Variants in IVD observed in about 807,000 individuals in gnomAD.
IVD encodes isovaleryl-CoA dehydrogenase.
In IVD, 31 loss-of-function variants were observed where a neutral mutation model predicts 51.3. The observed-to-expected ratio is 0.60, with a 90% CI of 0.45 to 0.81. IVD has a LOEUF of 0.81. Ranked by LOEUF, IVD falls within the 40% of genes least tolerant of loss-of-function variation. IVD has a pLI of 0.00. For synonymous variants in IVD, 205 were observed against 219.4 expected (o/e 0.93, Z 0.58); for missense variants, 475 against 552.0 (o/e 0.86, Z 1.40).
chr15:40,410,731 C>T lies in IVD; in HGVS notation c.390C>T (p.Ser130=). ...GAVGLSYGAH[S]NLCINQLVRN... is the part of the protein sequence containing the mutation. ...TGGGGCTCAGTTACGGTGCCCACTC[C>T]AACCTCTGCATCAACCAGCTTGTAC... The change falls in exon 4 of 12, where the codon TCC becomes TCT. Residue 130 remains serine, a synonymous_variant. Transcript: ENST00000487418. 3 of 1,614,210 alleles carry T rather than the reference C, an allele frequency of 1.9e-6. No individual in the cohort carries two copies. The highest frequency in any genetic ancestry group is 2.5e-6 in the Non-Finnish European group (3 of 1,180,024).
downstream of IVD, chr15:40,424,274 T>C: frequency 1.0e-6 from 1 of 986,080 alleles, no homozygotes; most frequent in South Asian, 1.4e-5. Context: ...GCCTTCCCCT[T>C]CTGCTGCTTC....
Position 40,407,969 on chromosome 15 carries a change from G to T in IVD, c.265G>T (p.Val89Leu). The T allele has an allele frequency of 6.2e-7, 1 of 1,614,118 alleles. No individual in the cohort carries two copies. The highest frequency in any genetic ancestry group is 2.2e-5 in the East Asian group (1 of 44,890). ...TTGGAAGCAGCTGGGGAACCTGGGC[G>T]TATTGGGCATCACAGCCCCTGGTGA... is the stretch of plus-strand genomic sequence containing the variant. Reference protein sequence around the residue: ...EFWKQLGNLGVLGITAPVQYG... With the variant: ...EFWKQLGNLGLLGITAPVQYG... The change falls in exon 3 of 12, where the codon GTA (valine) becomes TTA (leucine). Residue 89 changes from valine to leucine, a missense_variant. Val to Leu is a conservative substitution (Grantham distance 32). Coordinates refer to ENST00000487418, the MANE Select transcript of IVD (RefSeq NM_002225.5).
At chr15:40,426,166 T>C (rs1465249254), downstream of IVD, among the ~76,000 whole-genome samples, 1 of 152,122 alleles carries the variant, frequency 6.6e-6, no homozygotes, top group Admixed American at 6.6e-5. Context: ...TAGTATTCCA[T>C]AATGTGGAAA....
Position 40,420,017 on chromosome 15 carries a change from TCGCTTGAA to T in IVD, c.*1758_*1765del. On this transcript the variant is annotated 3_prime_UTR_variant, in exon 12 of 12. Coordinates refer to ENST00000487418, the MANE Select transcript of IVD (RefSeq NM_002225.5). ...TACACAGAAGACTGAGGCAGGAGAA[TCGCTTGAA>T]CGCAGGAGGCAGAGGTTGCAGGAGC... The T allele has an allele frequency of 2.3e-6, 1 of 443,974 alleles. No homozygotes were observed. The highest frequency in any genetic ancestry group is 1.1e-3 in the Middle Eastern group (1 of 886). The allele number at this position is 443,974 out of a possible 1,614,324, so 27.5% of individuals were successfully genotyped here.
intron 2 of IVD, 54 bp from the exon 3 acceptor site, chr15:40,407,885 G>T: frequency 1.9e-6 from 3 of 1,587,128 alleles, no homozygotes; most frequent in South Asian, 2.2e-5. Flanking sequence ...AGCCACATGT[G>T]ACTGGCTGCC....
chr15:40,410,712 T>G lies in IVD; in HGVS notation c.371T>G (p.Leu124Arg). 1 of 1,614,192 alleles carries G rather than the reference T, an allele frequency of 6.2e-7. No individual in the cohort carries two copies. The highest frequency in any genetic ancestry group is 8.5e-7 in the Non-Finnish European group (1 of 1,180,038). ...EISRASGAVG[L>R]SYGAHSNLCI... The stretch of plus-strand genomic sequence containing the variant: ...TCCCGAGCTTCCGGAGCAGTGGGGC[T>G]CAGTTACGGTGCCCACTCCAACCTC... Residue 124 changes from leucine to arginine, a missense_variant, in exon 4 of 12, where the codon CTC (leucine) becomes CGC (arginine). Leu to Arg is a moderately radical substitution (Grantham distance 102). Transcript: ENST00000487418.
At chr15:40,410,605 C>G (rs1385225815) in intron 3 of IVD, 23 bp from the exon 4 acceptor site, 9 of 1,614,002 alleles carry the variant, frequency 5.6e-6, no homozygotes, top group Non-Finnish European at 7.6e-6. Context: ...GTTTTCCACT[C>G]CCTTGTACCA....
chr15:40,417,713 G>C (rs1304901644), intron 11 of IVD, among the ~76,000 whole-genome samples: 1 of 152,168 alleles, frequency 6.6e-6, no homozygotes, highest in African/African-American at 2.4e-5. Context: ...CCTGATATCA[G>C]AGTGCCTGTG....
At chr15:40,432,058 G>C (rs1052611443) in intron 7 of IVD, among the ~76,000 whole-genome samples, 4 of 148,540 alleles carry the variant, frequency 2.7e-5, no homozygotes, top group Admixed American at 1.4e-4. Context: ...CCACCCCCCA[G>C]GTTCAAGCGA....
downstream of IVD, chr15:40,424,029 G>A: frequency 1.8e-6 from 1 of 541,146 alleles, no homozygotes; most frequent in South Asian, 2.1e-5. Context: ...CCAGAATTTG[G>A]CCTCTTTCCC....
In IVD at chr15:40,418,151, A is replaced by G. The variant is rs1163816425; in HGVS notation, c.1160A>G (p.Asp387Gly). 7 of 1,613,976 alleles carry G rather than the reference A, an allele frequency of 4.3e-6. No individual in the cohort carries two copies. The highest frequency in any genetic ancestry group is 5.9e-6 in the Non-Finnish European group (7 of 1,180,016). The change falls in exon 12 of 12, where the codon GAC becomes GGC. Residue 387 changes from aspartate (D) to glycine (G), a missense_variant. Physicochemically the swap from Asp to Gly is moderately conservative, Grantham distance 94 (BLOSUM62 -1). Transcript: ENST00000487418. Reference protein sequence around the residue: ...QCFGGNGYINDFPMGRFLRDA... With the variant: ...QCFGGNGYINGFPMGRFLRDA... ...GCAGGTGGCAATGGCTACATCAATG[A>G]CTTTCCCATGGGCCGCTTTCTTCGA...
downstream of IVD, among the ~76,000 whole-genome samples, chr15:40,425,327 A>C (rs1892606653): frequency 6.6e-6 from 1 of 151,852 alleles, no homozygotes; most frequent in Non-Finnish European, 1.5e-5. Flanking sequence ...ACCATCCTGA[A>C]TTTGGTGATA....
chr15:40,428,705 G>A (rs17672016), downstream of IVD, among the ~76,000 whole-genome samples: 39,428 of 152,120 alleles, frequency 0.26, 6,479 homozygotes, highest in East Asian at 0.73. Flanking sequence ...GCAACCTCCT[G>A]TTCGGGACTC....
chr15:40,415,981 T>C, intron 9 of IVD, 97 bp from the exon 10 acceptor site: 1 of 1,039,500 alleles, frequency 9.6e-7, no homozygotes, highest in Non-Finnish European at 1.5e-6. Context: ...TGCCCCTGCT[T>C]CCTCATCCTT....
chr15:40,409,402 T>TG (rs1337961890), intron 3 of IVD, among the ~76,000 whole-genome samples: 2 of 146,922 alleles, frequency 1.4e-5, no homozygotes, highest in Admixed American at 1.4e-4. Flanking sequence ...GCCCGCCTCT[T>TG]GAAAAAAAAA....
chr15:40,413,674 G>GTTT (rs748369761), intron 7 of IVD, among the ~76,000 whole-genome samples: 1 of 102,038 alleles, frequency 9.8e-6, no homozygotes, highest in South Asian at 4.2e-4. Context: ...GTTTTTTTTT[G>GTTT]TTTTTTTTGT....
chr15:40,408,513 T>G (rs1890708318), intron 3 of IVD, among the ~76,000 whole-genome samples: 1 of 151,938 alleles, frequency 6.6e-6, no homozygotes, highest in African/African-American at 2.4e-5. Flanking sequence ...GGGAGAGAGA[T>G]GTCTATCTGG....
At chr15:40,412,411 A>AGAGAGGGG (rs1198325344) in intron 6 of IVD, among the ~76,000 whole-genome samples, 2 of 152,152 alleles carry the variant, frequency 1.3e-5, no homozygotes, top group Non-Finnish European at 2.9e-5. Flanking sequence ...TACCCTCCAT[A>AGAGAGGGG]GAGAGGGGGA....
chr15:40,418,400 G>C lies in IVD; in HGVS notation c.*137G>C. On this transcript the variant is annotated 3_prime_UTR_variant, in exon 12 of 12. Coordinates refer to ENST00000487418, the MANE Select transcript of IVD (RefSeq NM_002225.5). ...GTCAGCCCTCTGGCCTCTGGATGAG[G>C]TTGAGTTCTCCACAACAGCTCCCAA... 6.4e-7 allele frequency: 1 copy of C among 1,572,806 alleles called. No individual in the cohort carries two copies. Among genetic ancestry groups the C allele is most frequent in the Non-Finnish European group, 8.6e-7 (1 of 1,165,586 alleles).
Sources: gnomAD v4.1 joint callset for allele counts (sites outside exome capture counted in the v4.1 genomes callset) on GRCh38, gnomAD v4.1.1 for gene constraint, MANE v1.5 for transcripts, NCBI Gene and HGNC (gene_info 2026-07-23, HGNC 2026-07-21) for gene names.